Variants in ECPAS observed in about 807,000 individuals in gnomAD.
ECPAS encodes the protein proteasome adapter and scaffold protein ECM29.
In ECPAS, 70 loss-of-function variants were observed where a neutral mutation model predicts 255.1. That is an observed-to-expected ratio of 0.27 (90% CI 0.23 to 0.33). The LOEUF is 0.33. Among genes scored for constraint, ECPAS ranks in the 10% least tolerant of loss-of-function variants. ECPAS has a pLI of 1.00. For missense variants in ECPAS, 1,817 were observed against 2,206.4 expected, an observed-to-expected ratio of 0.82 and a Z score of 3.54; for synonymous variants, 784 against 775.0, an observed-to-expected ratio of 1.01 and a Z score of -0.19.
intron 21 of ECPAS, among the ~76,000 whole-genome samples, chr9:111,411,448 G>A (rs964566467): frequency 3.9e-5 from 6 of 152,010 alleles, no homozygotes; most frequent in African/African-American, 1.4e-4. Flanking sequence ...ATGCTCCCAC[G>A]CCACTTTCCA....
chr9:111,479,778 A>T (rs1005569022), intron 1 of ECPAS, among the ~76,000 whole-genome samples: 1 of 152,130 alleles, frequency 6.6e-6, no homozygotes, highest in Non-Finnish European at 1.5e-5. Flanking sequence ...CAGGAGTTCA[A>T]GACCAACCTG....
chr9:111,483,995 C>T, intron 1 of ECPAS, 121 bp downstream of exon 1: 1 of 1,002,328 alleles, frequency 1.0e-6, no homozygotes, highest in African/African-American at 1.7e-5. Flanking sequence ...CTGTCGCCGC[C>T]CGCCCCGCGT....
At chr9:111,431,497 G>A (rs1312956253) in intron 8 of ECPAS, among the ~76,000 whole-genome samples, 1 of 151,502 alleles carries the variant, frequency 6.6e-6, no homozygotes, top group Non-Finnish European at 1.5e-5. Context: ...GGGGGAGATT[G>A]CAGTGAGCCG....
intron 7 of ECPAS, among the ~76,000 whole-genome samples, chr9:111,435,836 C>T (rs1176902124): frequency 6.7e-6 from 1 of 149,904 alleles, no homozygotes; most frequent in Non-Finnish European, 1.5e-5. Context: ...CCCGCCACCA[C>T]GCCCAGCTAA....
At chr9:111,383,074 A>C (rs2098142666) in intron 35 of ECPAS, 137 bp downstream of exon 35, 1 of 1,011,788 alleles carries the variant, frequency 9.9e-7, no homozygotes, top group South Asian at 1.8e-5. Context: ...ATTGTGACTC[A>C]CAAGTTTTCA....
At chr9:111,385,077 G>T (rs1009551645) in intron 33 of ECPAS, among the ~76,000 whole-genome samples, 1 of 152,092 alleles carries the variant, frequency 6.6e-6, no homozygotes. Context: ...ACTGTTATTT[G>T]TCCCTAATCC....
intron 37 of ECPAS, among the ~76,000 whole-genome samples, chr9:111,376,117 C>T (rs1449572785): frequency 6.6e-6 from 1 of 152,164 alleles, no homozygotes; most frequent in African/African-American, 2.4e-5. Flanking sequence ...TTAAATACCT[C>T]CACAGCTTAT....
chr9:111,446,114 T>C (rs1479972161), intron 3 of ECPAS, among the ~76,000 whole-genome samples: 2 of 152,228 alleles, frequency 1.3e-5, no homozygotes, highest in African/African-American at 4.8e-5. Context: ...TCTTTGCTAT[T>C]GTGAATAGTC....
chr9:111,363,501 G>C (rs2098116503), intron 49 of ECPAS, 87 bp downstream of exon 49: 6 of 739,560 alleles, frequency 8.1e-6, no homozygotes, highest in Non-Finnish European at 1.4e-5. Flanking sequence ...ATATGCTTAA[G>C]AGTATAAGCA....
At chr9:111,453,146 C>T (rs1055307176) in intron 2 of ECPAS, among the ~76,000 whole-genome samples, 1 of 152,062 alleles carries the variant, frequency 6.6e-6, no homozygotes, top group Admixed American at 6.6e-5. Context: ...ACTCCAGAGG[C>T]TGAGGTAGGA....
At chr9:111,440,605 T>C (rs2098244481) in intron 5 of ECPAS, 84 bp from the exon 6 acceptor site, 3 of 1,073,292 alleles carry the variant, frequency 2.8e-6, no homozygotes, top group Admixed American at 2.7e-5. Context: ...AAAAATCACG[T>C]AACAAAAACT....
At chr9:111,376,079 T>C (rs1042115365) in intron 37 of ECPAS, among the ~76,000 whole-genome samples, 1 of 152,204 alleles carries the variant, frequency 6.6e-6, no homozygotes, top group Admixed American at 6.5e-5. Flanking sequence ...GCCCAATCTC[T>C]TCACATACCT....
chr9:111,442,863 T>C (rs2098247767), intron 4 of ECPAS, among the ~76,000 whole-genome samples: 1 of 152,212 alleles, frequency 6.6e-6, no homozygotes, highest in Admixed American at 6.5e-5. Flanking sequence ...CTTAGTATAC[T>C]GCAGCACTCT....
At position 111,470,384 on chromosome 9, in the gene ECPAS, C is replaced by T. The variant is rs190876818; in HGVS notation, c.22+2513G>A. On this transcript the variant is annotated intron_variant, in intron 2 of 49. Transcript: ENST00000684092. Reference sequence around the variant, plus strand: ...GCAGTGCAGTGGCGCAATCTCTGCTCACCACAACCTCCCCGTCCCGGGTTC... The same window carrying T: ...GCAGTGCAGTGGCGCAATCTCTGCTTACCACAACCTCCCCGTCCCGGGTTC... 5.9e-5 allele frequency among the ~76,000 whole-genome samples: 9 copies of T among 151,846 alleles called. No homozygotes were observed. The East Asian group carries it at 1.8e-3, about 30-fold the overall frequency.
At chr9:111,363,516 C>T (rs2098116529) in intron 49 of ECPAS, 72 bp downstream of exon 49, 2 of 891,900 alleles carry the variant, frequency 2.2e-6, no homozygotes, top group Non-Finnish European at 1.8e-6. Context: ...TAAGCAAAAA[C>T]GAAACAAAAA....
chr9:111,442,976 A>AC (rs2098247915), intron 4 of ECPAS, among the ~76,000 whole-genome samples: 1 of 152,222 alleles, frequency 6.6e-6, no homozygotes, highest in African/African-American at 2.4e-5. Flanking sequence ...AAAATCTGAA[A>AC]TTCGAAATAC....
At chr9:111,384,881 A>G (rs1474689750) in intron 33 of ECPAS, among the ~76,000 whole-genome samples, 1 of 152,166 alleles carries the variant, frequency 6.6e-6, no homozygotes, top group East Asian at 1.9e-4. Context: ...ATTCTGAAAC[A>G]CTTAAAAGCC....
chr9:111,392,761 A>G lies in ECPAS; in HGVS notation c.3092+7T>C, dbSNP rs150725527. ...GCTTGAATCTAAAATTTTCAAGTTC[A>G]CCATACCTTTTGCCAGTCATAAGTG... On this transcript the variant is annotated splice_region_variant and intron_variant, in intron 28 of 49. Transcript: ENST00000684092. 138 of 1,594,200 alleles carry G rather than the reference A, an allele frequency of 8.7e-5. No homozygotes were observed. The East Asian group carries it at 2.7e-3, about 31-fold the overall frequency.
Position 111,373,375 on chromosome 9 carries a change from C to A in ECPAS, c.4209G>T (p.Leu1403=), listed in dbSNP as rs1386077642. The A allele has an allele frequency of 6.2e-7, 1 of 1,613,734 alleles. No individual in the cohort carries two copies. Among genetic ancestry groups the A allele is most frequent in the African/African-American group, 1.3e-5 (1 of 74,902 alleles). ...TCTGAATCACACTGTTCCGATCTGT[C>A]AGGCCACTCAGCAAAGCACTCATAA... is the stretch of plus-strand genomic sequence containing the variant. ...GKLMSALLSG[L]TDRNSVIQKS... Residue 1403 remains leucine, a synonymous_variant, in exon 40 of 50, where the codon CTG becomes CTT. Transcript: ENST00000684092.
Sources: gnomAD v4.1 joint callset for allele counts (sites outside exome capture counted in the v4.1 genomes callset) on GRCh38, gnomAD v4.1.1 for gene constraint, MANE v1.5 for transcripts, NCBI Gene and HGNC (gene_info 2026-07-23, HGNC 2026-07-21) for gene names.